CCNY: variants seen among roughly 807,000 people sequenced by gnomAD.
The protein encoded by CCNY is cyclin-Y.
Under a neutral mutation model 42.8 loss-of-function variants are expected in CCNY, and 19 were observed. The ratio of observed to expected loss-of-function variants is 0.44; its 90% confidence interval spans 0.31 to 0.65. The LOEUF (loss-of-function observed/expected upper bound fraction) is 0.65, where lower values mean the gene tolerates loss of function less well. CCNY is among the 30% of genes least tolerant of loss of function. The pLI is 0.07. For synonymous variants in CCNY, 165 were observed against 162.7 expected, an observed-to-expected ratio of 1.01 and a Z score of -0.11; for missense variants, 370 against 437.3, an observed-to-expected ratio of 0.85 and a Z score of 1.37.
intron 3 of CCNY, among the ~76,000 whole-genome samples, chr10:35,299,580 C>T (rs943595750): frequency 6.6e-6 from 1 of 152,174 alleles, no homozygotes; most frequent in Admixed American, 6.5e-5. Context: ...TGGATACAGT[C>T]AATCCACCTT....
At chr10:35,320,300 G>T (rs1224512720) in intron 3 of CCNY, among the ~76,000 whole-genome samples, 1 of 152,156 alleles carries the variant, frequency 6.6e-6, no homozygotes, top group Non-Finnish European at 1.5e-5. Context: ...TCCCAAGAAT[G>T]CAAGCTTGTT....
intron 1 of CCNY, among the ~76,000 whole-genome samples, chr10:35,365,538 C>T (rs1228259901): frequency 1.3e-5 from 2 of 152,164 alleles, no homozygotes; most frequent in African/African-American, 2.4e-5. Flanking sequence ...ATGTTACCTG[C>T]TCCTGGATTA....
intron 3 of CCNY, among the ~76,000 whole-genome samples, chr10:35,503,217 C>A (rs762801511): frequency 2.6e-5 from 4 of 152,178 alleles, no homozygotes; most frequent in Non-Finnish European, 4.4e-5. Flanking sequence ...GCCATGCATT[C>A]TCATGCACAG....
intron 3 of CCNY, among the ~76,000 whole-genome samples, chr10:35,510,874 C>T (rs1045358468): frequency 3.9e-5 from 6 of 152,206 alleles, no homozygotes; most frequent in Admixed American, 6.5e-5. Flanking sequence ...GTGTGATTGT[C>T]CTCTGTAAGT....
chr10:35,483,430 G>C lies in CCNY; in HGVS notation c.181G>C (p.Asp61His). The stretch of plus-strand genomic sequence containing the variant: ...TTTGAACATGGAATTCAATCCTTCA[G>C]ATCATCCTCGGGCCAGCACAATATT... ...DDLNMEFNPS[D>H]HPRASTIFLS... Residue 61 changes from aspartate to histidine, a missense_variant, in exon 2 of 10, where the codon GAT (aspartate) becomes CAT (histidine). This residue lies in a region of CCNY where 136 missense variants were observed against 124.2 expected (regional missense o/e 1.09). Coordinates refer to ENST00000374704, the MANE Select transcript of CCNY (RefSeq NM_145012.6). The C allele has an allele frequency of 1.2e-6, 2 of 1,607,770 alleles. No individual in the cohort carries two copies. The highest frequency in any genetic ancestry group is 1.1e-5 in the South Asian group (1 of 90,534).
intron 3 of CCNY, among the ~76,000 whole-genome samples, chr10:35,252,341 A>G (rs909912080): frequency 6.6e-6 from 1 of 152,070 alleles, no homozygotes; most frequent in African/African-American, 2.4e-5. Context: ...CGAGGTGGGC[A>G]GATGACGAGG....
At chr10:35,267,243 G>C (rs528024316) in intron 3 of CCNY, among the ~76,000 whole-genome samples, 1 of 151,750 alleles carries the variant, frequency 6.6e-6, no homozygotes, top group South Asian at 2.1e-4. Flanking sequence ...AGGAGTTTGC[G>C]GTTGCAGTGA....
chr10:35,413,545 G>T, intron 1 of CCNY, among the ~76,000 whole-genome samples: 1 of 152,138 alleles, frequency 6.6e-6, no homozygotes, highest in African/African-American at 2.4e-5. Context: ...AAATTGCAGA[G>T]TCAGACTGTA....
intron 1 of CCNY, among the ~76,000 whole-genome samples, chr10:35,430,411 T>A (rs3013361): frequency 1.3e-5 from 2 of 151,050 alleles, no homozygotes; most frequent in African/African-American, 4.9e-5. Context: ...CGTCCATAGT[T>A]AATTTCATGG....
chr10:35,406,201 TTTTATTTATTTATTTATTTATTTA>T (rs34172154), intron 1 of CCNY, among the ~76,000 whole-genome samples: 56 of 124,370 alleles, frequency 4.5e-4, no homozygotes, highest in Non-Finnish European at 7.8e-4. Context: ...TTCTTTTTTA[TTTTATTTATTTATTTATTTATTTA>T]TTTATTTATT....
intron 1 of CCNY, among the ~76,000 whole-genome samples, chr10:35,403,984 G>A (rs1837701966): frequency 6.6e-6 from 1 of 152,278 alleles, no homozygotes; most frequent in Non-Finnish European, 1.5e-5. Context: ...GGGGTCAGGT[G>A]TGGTATCCGG....
intron 2 of CCNY, among the ~76,000 whole-genome samples, chr10:35,496,547 A>G (rs1332322432): frequency 6.6e-6 from 1 of 152,138 alleles, no homozygotes; most frequent in East Asian, 1.9e-4. Context: ...ATGGAAGAGG[A>G]GAGTCAGGTG....
chr10:35,274,222 A>G (rs1210257909), intron 3 of CCNY, among the ~76,000 whole-genome samples: 1 of 152,174 alleles, frequency 6.6e-6, no homozygotes, highest in East Asian at 1.9e-4. Context: ...TGAAAGGGGA[A>G]ACCCCTTTAA....
At chr10:35,265,902 C>T (rs1267193299) in intron 3 of CCNY, among the ~76,000 whole-genome samples, 3 of 152,214 alleles carry the variant, frequency 2.0e-5, no homozygotes, top group South Asian at 2.1e-4. Context: ...TGCAGGCCAC[C>T]GGGAGAGGCT....
At chr10:35,546,125 A>G (rs1012366466) in intron 7 of CCNY, among the ~76,000 whole-genome samples, 3 of 152,208 alleles carry the variant, frequency 2.0e-5, no homozygotes, top group Non-Finnish European at 2.9e-5. Context: ...CCTCAGCCGT[A>G]TTGGAACATG....
chr10:35,534,832 T>A (rs1052333735), intron 7 of CCNY, among the ~76,000 whole-genome samples: 3 of 152,032 alleles, frequency 2.0e-5, no homozygotes, highest in African/African-American at 7.2e-5. Context: ...CAATAGTATC[T>A]CATATGATAG....
chr10:35,334,429 G>A (rs138192787), upstream of CCNY, among the ~76,000 whole-genome samples: 490 of 152,164 alleles, frequency 3.2e-3, 4 homozygotes, highest in Admixed American at 7.1e-3. Context: ...TCTCTCCCAC[G>A]GGTTCAGCAA....
chr10:35,324,471 T>A (rs1035000044), intron 3 of CCNY, among the ~76,000 whole-genome samples: 5 of 152,262 alleles, frequency 3.3e-5, no homozygotes, highest in African/African-American at 1.2e-4. Flanking sequence ...ACAAACCCTT[T>A]GAATTCAGTA....
chr10:35,504,793 T>C (rs138331752), intron 3 of CCNY, among the ~76,000 whole-genome samples: 2,575 of 152,114 alleles, frequency 0.017, 26 homozygotes, highest in Middle Eastern at 0.041. Context: ...TGCGCCACCA[T>C]ACCCGGCTAA....
Sources: gnomAD v4.1 joint callset for allele counts (sites outside exome capture counted in the v4.1 genomes callset) on GRCh38, gnomAD v4.1.1 for gene constraint, gnomAD v4.1.1 regional missense constraint, MANE v1.5 for transcripts, NCBI Gene and HGNC (gene_info 2026-07-23, HGNC 2026-07-21) for gene names.